PAMR1: variants seen among roughly 807,000 people sequenced by gnomAD.
PAMR1 encodes inactive serine protease PAMR1.
Under a neutral mutation model 81.8 loss-of-function variants are expected in PAMR1, and 88 were observed. The observed-to-expected ratio is 1.08, with a 90% CI of 0.91 to 1.28. PAMR1 has a LOEUF of 1.28. PAMR1 is among the 50% of genes most tolerant of loss of function. The pLI, the probability that PAMR1 is intolerant of heterozygous loss-of-function variation, is 0.00. For synonymous variants in PAMR1, 336 were observed against 345.3 expected, an observed-to-expected ratio of 0.97 and a Z score of 0.30; for missense variants, 935 against 919.7, an observed-to-expected ratio of 1.02 and a Z score of -0.21.
chr11:35,448,523 T>C (rs1298235030), intron 6 of PAMR1, among the ~76,000 whole-genome samples: 1 of 152,248 alleles, frequency 6.6e-6, no homozygotes, highest in African/African-American at 2.4e-5. Flanking sequence ...CTGATTATTC[T>C]GGTTAACAGC....
intron 1 of PAMR1, among the ~76,000 whole-genome samples, chr11:35,515,428 C>T (rs1002562678): frequency 2.0e-5 from 3 of 152,190 alleles, no homozygotes; most frequent in Non-Finnish European, 4.4e-5. Context: ...GGTCCCGAAG[C>T]CCTGAGCTGA....
At chr11:35,436,273 C>G (rs1565324128) in intron 8 of PAMR1, 138 bp from the exon 9 acceptor site, 1 of 615,474 alleles carries the variant, frequency 1.6e-6, no homozygotes, top group Non-Finnish European at 2.9e-6. Flanking sequence ...CTCTCTCTAT[C>G]TCTCTCTCTG....
At chr11:35,511,128 G>A (rs1454781976) in intron 1 of PAMR1, among the ~76,000 whole-genome samples, 2 of 152,222 alleles carry the variant, frequency 1.3e-5, no homozygotes, top group Non-Finnish European at 2.9e-5. Context: ...ATGAATGAGT[G>A]AGTGAAAGAA....
chr11:35,457,330 C>T (rs778637995), intron 6 of PAMR1, among the ~76,000 whole-genome samples: 14 of 152,120 alleles, frequency 9.2e-5, no homozygotes, highest in Non-Finnish European at 2.1e-4. Context: ...TCTCTGCCCT[C>T]AGCACTCTTG....
In PAMR1 at chr11:35,486,753, G is replaced by C. The variant is rs116585124; in HGVS notation, c.379+5292C>G. On this transcript the variant is annotated intron_variant, in intron 3 of 10. Coordinates refer to ENST00000619888, the MANE Select transcript of PAMR1 (RefSeq NM_001001991.3). ...TCTGTTTCATAACATTTGGGTGACT[G>C]CTATCCTTGTTTTGTTACCATTTGC... Among the ~76,000 whole-genome samples the C allele has an allele frequency of 8.8e-3, 1,345 of 152,288 alleles. 14 individuals are homozygous for C. Among genetic ancestry groups the C allele is most frequent in the African/African-American group, 0.03 (1,244 of 41,546 alleles).
At chr11:35,460,790 T>C (rs1856636282) in intron 6 of PAMR1, among the ~76,000 whole-genome samples, 2 of 152,210 alleles carry the variant, frequency 1.3e-5, no homozygotes, top group South Asian at 4.1e-4. Context: ...AACATACGTG[T>C]GTGTGCATCT....
chr11:35,439,135 T>C (rs954145929), intron 8 of PAMR1, among the ~76,000 whole-genome samples: 2 of 152,158 alleles, frequency 1.3e-5, no homozygotes, highest in Non-Finnish European at 1.5e-5. Context: ...AGGAGGAAGG[T>C]TGAGCATACC....
At chr11:35,437,259 C>T (rs1358605303) in intron 8 of PAMR1, among the ~76,000 whole-genome samples, 1 of 152,120 alleles carries the variant, frequency 6.6e-6, no homozygotes, top group African/African-American at 2.4e-5. Context: ...TGTTTTCATC[C>T]CTGTTTAATG....
chr11:35,436,647 C>G (rs542769140), intron 8 of PAMR1, among the ~76,000 whole-genome samples: 37 of 144,134 alleles, frequency 2.6e-4, no homozygotes, highest in African/African-American at 9.6e-4. Context: ...GTTTCTCTCT[C>G]TCTCTCTGTC....
At chr11:35,462,969 A>G (rs1856688949) in intron 6 of PAMR1, among the ~76,000 whole-genome samples, 1 of 152,172 alleles carries the variant, frequency 6.6e-6, no homozygotes, top group Non-Finnish European at 1.5e-5. Flanking sequence ...GGCAGTAAAA[A>G]TTCCATTTTT....
chr11:35,494,094 A>T lies in PAMR1; in HGVS notation c.250+2T>A. The T allele has an allele frequency of 1.9e-6, 3 of 1,613,182 alleles. No homozygotes were observed. The highest frequency in any genetic ancestry group is 2.5e-6 in the Non-Finnish European group (3 of 1,179,218). On this transcript the variant is annotated splice_donor_variant, in intron 2 of 10. Coordinates refer to ENST00000619888, the MANE Select transcript of PAMR1 (RefSeq NM_001001991.3). LOFTEE classifies it high-confidence loss of function. ...ACCTGAAGTCTCCCATTCCACACTC[A>T]CCTGGGTGGATCAGGCAGGAGTCAC... is the stretch of plus-strand genomic sequence containing the variant.
intron 1 of PAMR1, among the ~76,000 whole-genome samples, chr11:35,514,722 C>CTAGGATTACATGAG (rs2066318799): frequency 1.3e-5 from 2 of 152,316 alleles, no homozygotes; most frequent in African/African-American, 4.8e-5. Flanking sequence ...TGTGATGGCT[C>CTAGGATTACATGAG]ATGCCTGTAA....
At chr11:35,500,937 T>G (rs955463060) in intron 1 of PAMR1, among the ~76,000 whole-genome samples, 1 of 152,144 alleles carries the variant, frequency 6.6e-6, no homozygotes, top group Non-Finnish European at 1.5e-5. Context: ...TGAACAGAGC[T>G]TGCAGGACTG....
chr11:35,516,870 C>A (rs1181871098), intron 1 of PAMR1, among the ~76,000 whole-genome samples: 2 of 152,026 alleles, frequency 1.3e-5, no homozygotes, highest in African/African-American at 4.8e-5. Context: ...AAATATCAGT[C>A]AGGTAGAAAC....
At chr11:35,516,048 G>A (rs1224543736) in intron 1 of PAMR1, among the ~76,000 whole-genome samples, 6 of 152,170 alleles carry the variant, frequency 3.9e-5, no homozygotes, top group African/African-American at 1.4e-4. Context: ...AATTTCTCAA[G>A]TATTCCCATT....
chr11:35,508,930 T>G (rs1851026591), intron 1 of PAMR1, among the ~76,000 whole-genome samples: 1 of 152,246 alleles, frequency 6.6e-6, no homozygotes, highest in Non-Finnish European at 1.5e-5. Context: ...TACCACATTT[T>G]CTTTATTGAG....
At chr11:35,463,828 G>A (rs1431713250) in intron 6 of PAMR1, among the ~76,000 whole-genome samples, 3 of 152,126 alleles carry the variant, frequency 2.0e-5, no homozygotes, top group Non-Finnish European at 4.4e-5. Context: ...CTTGACAGCT[G>A]GTACTAGGCC....
At chr11:35,458,952 G>A (rs1232242143) in intron 6 of PAMR1, among the ~76,000 whole-genome samples, 1 of 152,270 alleles carries the variant, frequency 6.6e-6, no homozygotes, top group Non-Finnish European at 1.5e-5. Context: ...CAGGAATAAT[G>A]ACACCAACTG....
chr11:35,474,284 G>C (rs192722321), intron 4 of PAMR1, among the ~76,000 whole-genome samples: 3 of 152,178 alleles, frequency 2.0e-5, no homozygotes, highest in African/African-American at 7.2e-5. Flanking sequence ...TGAAAATTAG[G>C]CCTGTGCCTT....
Sources: gnomAD v4.1 joint callset for allele counts (sites outside exome capture counted in the v4.1 genomes callset) on GRCh38, gnomAD v4.1.1 for gene constraint, MANE v1.5 for transcripts, NCBI Gene and HGNC (gene_info 2026-07-23, HGNC 2026-07-21) for gene names.